CNTNAP2: variants seen among roughly 807,000 people sequenced by gnomAD.
CNTNAP2 encodes the protein contactin-associated protein-like 2.
Under a neutral mutation model 155.2 loss-of-function variants are expected in CNTNAP2, and 98 were observed. That is an observed-to-expected ratio of 0.63 (90% CI 0.54 to 0.75). The LOEUF (loss-of-function observed/expected upper bound fraction) is 0.75. Among genes scored for constraint, CNTNAP2 ranks in the 30% least tolerant of loss-of-function variants. CNTNAP2 has a pLI of 0.00. For missense variants in CNTNAP2, 1,727 were observed against 1,688.1 expected (o/e 1.02, Z -0.40); for synonymous variants, 651 against 631.2 (o/e 1.03, Z -0.47).
At chr7:146,654,762 A>T (rs1400387964) in intron 1 of CNTNAP2, among the ~76,000 whole-genome samples, 2 of 151,790 alleles carry the variant, frequency 1.3e-5, no homozygotes, top group Non-Finnish European at 2.9e-5. Context: ...CAGTTATTTT[A>T]GGGATTTTTT....
At chr7:148,264,860 A>G (rs1390697384) in intron 20 of CNTNAP2, among the ~76,000 whole-genome samples, 1 of 152,068 alleles carries the variant, frequency 6.6e-6, no homozygotes, top group Non-Finnish European at 1.5e-5. Context: ...ACACCCAGCT[A>G]CTTTTTGTAT....
rs1216971669 is a variant in CNTNAP2 at position 147,485,928 on chromosome 7, C to T, written c.1671-7C>T. Reference sequence around the variant, plus strand: ...GGTTTATTTCTGTTTGTCTCTCTCTCTGACAGATGTGTGCCCAATCACTGT... The same window carrying T: ...GGTTTATTTCTGTTTGTCTCTCTCTTTGACAGATGTGTGCCCAATCACTGT... On this transcript the variant is annotated splice_polypyrimidine_tract_variant and splice_region_variant and intron_variant, in intron 10 of 23. Coordinates refer to ENST00000361727, the MANE Select transcript of CNTNAP2 (RefSeq NM_014141.6). 5 of 1,613,700 alleles carry T rather than the reference C, an allele frequency of 3.1e-6. No individual in the cohort carries two copies. The South Asian group carries it at 4.4e-5, about 14-fold the overall frequency.
intron 20 of CNTNAP2, among the ~76,000 whole-genome samples, chr7:148,246,838 G>A (rs887739583): frequency 6.6e-6 from 1 of 152,166 alleles, no homozygotes; most frequent in Non-Finnish European, 1.5e-5. Flanking sequence ...ACAAGATTAG[G>A]CTACAGTGAA....
intron 4 of CNTNAP2, among the ~76,000 whole-genome samples, chr7:147,076,370 C>A (rs1800001853): frequency 6.6e-6 from 1 of 152,124 alleles, no homozygotes; most frequent in Admixed American, 6.5e-5. Context: ...ATTTGCATTT[C>A]CCCGATGGCC....
At chr7:148,111,528 A>C (rs1218044483) in intron 15 of CNTNAP2, among the ~76,000 whole-genome samples, 2 of 149,076 alleles carry the variant, frequency 1.3e-5, no homozygotes, top group African/African-American at 2.5e-5. Flanking sequence ...AAAATGTGGA[A>C]CAAAATTAGA....
intron 1 of CNTNAP2, among the ~76,000 whole-genome samples, chr7:146,409,861 C>G (rs564862137): frequency 6.6e-6 from 1 of 152,128 alleles, no homozygotes; most frequent in African/African-American, 2.4e-5. Flanking sequence ...TTCTTTACAT[C>G]CTTGACATTT....
intron 1 of CNTNAP2, among the ~76,000 whole-genome samples, chr7:146,331,705 C>T (rs1040171385): frequency 2.0e-5 from 3 of 152,134 alleles, no homozygotes; most frequent in African/African-American, 7.2e-5. Context: ...TTCCACATCA[C>T]TCCTGCTGCA....
At chr7:148,383,589 A>G (rs1799118809) in intron 21 of CNTNAP2, 60 bp from the exon 22 acceptor site, 2 of 1,612,698 alleles carry the variant, frequency 1.2e-6, no homozygotes, top group Non-Finnish European at 8.5e-7. Context: ...AAAGACAGGT[A>G]TGTTGTACAG....
chr7:148,107,121 A>G (rs1466254031), intron 15 of CNTNAP2, among the ~76,000 whole-genome samples: 1 of 152,184 alleles, frequency 6.6e-6, no homozygotes, highest in Non-Finnish European at 1.5e-5. Context: ...TGTTTCAAAC[A>G]TTTTAAATGT....
chr7:148,110,468 C>T (rs1015419700), intron 15 of CNTNAP2, among the ~76,000 whole-genome samples: 6 of 152,032 alleles, frequency 3.9e-5, no homozygotes, highest in African/African-American at 7.2e-5. Context: ...GTACCACCCG[C>T]GCCAATGCTT....
In CNTNAP2 at chr7:148,383,710, C is replaced by T; in HGVS notation, c.3537C>T (p.Leu1179=). The change falls in exon 22 of 24, where the codon CTC becomes CTT. Residue 1179 remains leucine (L), a synonymous_variant. Transcript: ENST00000361727. ...ACACCCCAGGATTCACTGGTTGCCT[C>T]TCCAGAGTCCAGTTCAACCAGATCG... The part of the protein sequence containing the change: ...KYNTPGFTGC[L]SRVQFNQIAP... 1.2e-6 allele frequency: 2 copies of T among 1,614,236 alleles called. No homozygotes were observed. The highest frequency in any genetic ancestry group is 1.7e-6 in the Non-Finnish European group (2 of 1,180,034).
chr7:146,874,304 CAAAAG>C (rs1193285769), intron 3 of CNTNAP2, among the ~76,000 whole-genome samples: 7 of 151,948 alleles, frequency 4.6e-5, no homozygotes, highest in African/African-American at 1.7e-4. Context: ...TCTAGATAAA[CAAAAG>C]AAATTAATTC....
At chr7:146,732,887 TTTA>T (rs1384860349) in intron 1 of CNTNAP2, among the ~76,000 whole-genome samples, 1 of 152,164 alleles carries the variant, frequency 6.6e-6, no homozygotes, top group African/African-American at 2.4e-5. Context: ...TGCATTATTT[TTTA>T]TTATTGTGAT....
chr7:148,075,268 C>G (rs113114799), intron 15 of CNTNAP2, among the ~76,000 whole-genome samples: 1 of 152,166 alleles, frequency 6.6e-6, no homozygotes, highest in Non-Finnish European at 1.5e-5. Context: ...GAAACCCCGT[C>G]TCTACTAAAA....
intron 13 of CNTNAP2, among the ~76,000 whole-genome samples, chr7:147,688,046 T>C (rs962974488): frequency 6.6e-6 from 1 of 152,172 alleles, no homozygotes; most frequent in African/African-American, 2.4e-5. Flanking sequence ...GCTTCATTGA[T>C]GGATGAATGT....
At chr7:146,888,832 G>T (rs1211916970) in intron 3 of CNTNAP2, among the ~76,000 whole-genome samples, 1 of 152,000 alleles carries the variant, frequency 6.6e-6, no homozygotes, top group South Asian at 2.1e-4. Flanking sequence ...GGTTGCCAGG[G>T]GATAAGGGGA....
intron 11 of CNTNAP2, among the ~76,000 whole-genome samples, chr7:147,526,394 C>T (rs1398134355): frequency 6.6e-6 from 1 of 151,994 alleles, no homozygotes; most frequent in Non-Finnish European, 1.5e-5. Context: ...GTATATTCTC[C>T]TAGTCTATGG....
intron 14 of CNTNAP2, among the ~76,000 whole-genome samples, chr7:147,961,616 T>C (rs564071835): frequency 6.6e-6 from 1 of 152,308 alleles, no homozygotes; most frequent in East Asian, 1.9e-4. Context: ...TATTGGGCAA[T>C]ATTAAAACCT....
intron 1 of CNTNAP2, among the ~76,000 whole-genome samples, chr7:146,129,520 A>G (rs1797685400): frequency 6.6e-6 from 1 of 152,186 alleles, no homozygotes; most frequent in Admixed American, 6.5e-5. Context: ...CTGCTCCCTA[A>G]GAAATGGGTA....
Sources: allele counts gnomAD v4.1 joint callset (sites outside exome capture counted in the v4.1 genomes callset), GRCh38; gene constraint gnomAD v4.1.1; transcripts MANE v1.5; gene names NCBI Gene and HGNC (gene_info 2026-07-23, HGNC 2026-07-21).